Variants in GRIA2 observed in about 807,000 individuals in gnomAD.
The protein encoded by GRIA2 is glutamate receptor 2.
In GRIA2, 14 loss-of-function variants were observed where a neutral mutation model predicts 97.3. That is an observed-to-expected ratio of 0.14 (90% CI 0.10 to 0.23). The LOEUF is 0.23. Ranked by LOEUF, GRIA2 falls within the 10% of genes least tolerant of loss-of-function variation. GRIA2 has a pLI of 1.00. For synonymous variants in GRIA2, 412 were observed against 387.8 expected (o/e 1.06, Z -0.73); for missense variants, 558 against 1,069.8 (o/e 0.52, Z 6.67).
chr4:157,300,488 G>A (rs945053744), intron 2 of GRIA2, among the ~76,000 whole-genome samples: 2 of 151,984 alleles, frequency 1.3e-5, no homozygotes, highest in Admixed American at 1.3e-4. Context: ...CCTGCTTGGG[G>A]ACAGAGACAG....
intron 12 of GRIA2, among the ~76,000 whole-genome samples, chr4:157,348,469 G>T (rs1735860787): frequency 1.3e-5 from 2 of 152,064 alleles, no homozygotes; most frequent in Non-Finnish European, 1.5e-5. Context: ...GAGCTCCTGG[G>T]CTCAAGTGAT....
intron 12 of GRIA2, among the ~76,000 whole-genome samples, chr4:157,350,393 A>G (rs761972948): frequency 5.3e-5 from 8 of 152,052 alleles, no homozygotes; most frequent in Non-Finnish European, 1.0e-4. Flanking sequence ...TGATCTACTT[A>G]TAGAAGATCT....
chr4:157,352,956 G>C (rs192390393), intron 12 of GRIA2, among the ~76,000 whole-genome samples: 1 of 151,798 alleles, frequency 6.6e-6, no homozygotes, highest in South Asian at 2.1e-4. Context: ...CTACCGGAGA[G>C]GCTGAGGCAG....
intron 2 of GRIA2, among the ~76,000 whole-genome samples, chr4:157,277,919 T>C (rs1202456297): frequency 3.4e-5 from 5 of 145,786 alleles, no homozygotes; most frequent in Non-Finnish European, 6.0e-5. Flanking sequence ...TGTATATATA[T>C]GTATATATAT....
At chr4:157,221,856 G>A in intron 2 of GRIA2, 49 bp downstream of exon 2, 1 of 1,567,528 alleles carries the variant, frequency 6.4e-7, no homozygotes, top group Non-Finnish European at 8.8e-7. Context: ...CGGAAGGCCA[G>A]CGAGTGTGAG....
At chr4:157,336,258 G>GA (rs1422155572) in intron 10 of GRIA2, 119 bp from the exon 11 acceptor site, 1 of 858,144 alleles carries the variant, frequency 1.2e-6, no homozygotes, top group Non-Finnish European at 1.8e-6. Flanking sequence ...CTATACCAAG[G>GA]AAAAAATTAT....
chr4:157,357,472 A>G (rs867349379), intron 12 of GRIA2, among the ~76,000 whole-genome samples: 1 of 152,138 alleles, frequency 6.6e-6, no homozygotes, highest in Non-Finnish European at 1.5e-5. Flanking sequence ...ATCTTACAGA[A>G]ATTCTGACTT....
In GRIA2 at chr4:157,274,537, G is replaced by A. The variant is rs554964962; in HGVS notation, c.230-29015G>A. On this transcript the variant is annotated intron_variant, in intron 2 of 15. Coordinates refer to ENST00000264426, the MANE Select transcript of GRIA2 (RefSeq NM_001083619.3). ...CCCCCCTCCCCCCACCCCACAACAG[G>A]CCCCGGTGTGTGATGTTCCCCTTCC... Among the ~76,000 whole-genome samples the A allele has an allele frequency of 2.5e-5, 3 of 118,284 alleles. No homozygotes were observed. In the South Asian group the frequency reaches 8.6e-4, roughly 34 times the overall value. 77.6% of individuals were successfully genotyped at this position (118,284 alleles called of 152,430 possible).
At chr4:157,314,204 G>T (rs1734211913) in intron 4 of GRIA2, among the ~76,000 whole-genome samples, 1 of 152,118 alleles carries the variant, frequency 6.6e-6, no homozygotes, top group Non-Finnish European at 1.5e-5. Flanking sequence ...GAAGTGCAAG[G>T]AAAATACACA....
Position 157,336,533 on chromosome 4 carries a change from T to C in GRIA2, c.1630T>C (p.Tyr544His). Residue 544 changes from tyrosine to histidine, a missense_variant, in exon 11 of 16, where the codon TAT (tyrosine) becomes CAT (histidine). Tyr to His is a moderately conservative substitution (Grantham distance 83). Coordinates refer to ENST00000264426, the MANE Select transcript of GRIA2 (RefSeq NM_001083619.3). ...GVFSFLDPLA[Y>H]EIWMCIVFAY... ...GTTTTCCTTTCTTGATCCTTTAGCCTATGAGATCTGGATGTGCATTGTTTT... is the reference window on the plus strand; with the variant it reads ...GTTTTCCTTTCTTGATCCTTTAGCCCATGAGATCTGGATGTGCATTGTTTT... 1 of 1,613,450 alleles carries C rather than the reference T, an allele frequency of 6.2e-7. No homozygotes were observed. The highest frequency in any genetic ancestry group is 8.5e-7 in the Non-Finnish European group (1 of 1,179,542).
chr4:157,317,515 T>C, intron 4 of GRIA2, 143 bp from the exon 5 acceptor site: 1 of 403,006 alleles, frequency 2.5e-6, no homozygotes, highest in Non-Finnish European at 4.6e-6. Context: ...TAATTATATT[T>C]TATCAAAAAT....
At chr4:157,271,133 G>GT (rs1274355451) in intron 2 of GRIA2, among the ~76,000 whole-genome samples, 3 of 152,000 alleles carry the variant, frequency 2.0e-5, no homozygotes, top group South Asian at 4.2e-4. Flanking sequence ...CACTTTTTCT[G>GT]TTTTTTTACT....
chr4:157,354,181 T>G (rs891281658), intron 12 of GRIA2, among the ~76,000 whole-genome samples: 1 of 152,148 alleles, frequency 6.6e-6, no homozygotes, highest in Non-Finnish European at 1.5e-5. Context: ...CTTCAAGTAT[T>G]TACCATTAAG....
At chr4:157,264,174 G>A (rs968188551) in intron 2 of GRIA2, among the ~76,000 whole-genome samples, 25 of 152,130 alleles carry the variant, frequency 1.6e-4, no homozygotes, top group South Asian at 6.2e-4. Flanking sequence ...TTCTATTGCT[G>A]CCATAACAAA....
At chr4:157,357,844 T>A (rs1736460643) in intron 12 of GRIA2, among the ~76,000 whole-genome samples, 1 of 152,162 alleles carries the variant, frequency 6.6e-6, no homozygotes. Flanking sequence ...TATTTACACT[T>A]AGAGAAATAT....
At chr4:157,294,458 A>G (rs192976090) in intron 2 of GRIA2, among the ~76,000 whole-genome samples, 16 of 152,052 alleles carry the variant, frequency 1.1e-4, no homozygotes, top group Admixed American at 5.9e-4. Context: ...GAGAAAAAAA[A>G]AGAGAGAGAG....
intron 6 of GRIA2, among the ~76,000 whole-genome samples, chr4:157,327,034 T>C (rs1734833575): frequency 2.0e-5 from 3 of 152,162 alleles, no homozygotes; most frequent in Admixed American, 6.5e-5. Context: ...GATGGATTTG[T>C]TACATCTGCC....
At chr4:157,256,077 A>G (rs1209939073) in intron 2 of GRIA2, among the ~76,000 whole-genome samples, 1 of 148,210 alleles carries the variant, frequency 6.7e-6, no homozygotes, top group African/African-American at 2.5e-5. Flanking sequence ...ATACATATCT[A>G]TAGGTACCAA....
chr4:157,355,982 T>TAA (rs1736321127), intron 12 of GRIA2, among the ~76,000 whole-genome samples: 2 of 61,684 alleles, frequency 3.2e-5, no homozygotes, highest in African/African-American at 1.0e-4. Flanking sequence ...TATATATATT[T>TAA]ATATATTTAT....
Sources: allele counts gnomAD v4.1 joint callset (sites outside exome capture counted in the v4.1 genomes callset), GRCh38; gene constraint gnomAD v4.1.1; transcripts MANE v1.5; gene names NCBI Gene and HGNC (gene_info 2026-07-23, HGNC 2026-07-21).